Variants in TMED3 observed in about 807,000 individuals in gnomAD.
The protein encoded by TMED3 is transmembrane emp24 domain-containing protein 3.
In TMED3, 9 loss-of-function variants were observed where a neutral mutation model predicts 15.0. The observed-to-expected ratio is 0.60, with a 90% CI of 0.36 to 1.04. The LOEUF (loss-of-function observed/expected upper bound fraction) is 1.04. Ranked by LOEUF, TMED3 falls within the 50% of genes least tolerant of loss-of-function variation. The pLI is 0.01. For missense variants in TMED3, 267 were observed against 278.9 expected (o/e 0.96, Z 0.30); for synonymous variants, 117 against 121.4 (o/e 0.96, Z 0.24).
At chr15:79,394,683 G>A (rs766544589) in intron 2 of TMED3, among the ~76,000 whole-genome samples, 8 of 152,184 alleles carry the variant, frequency 5.3e-5, no homozygotes, top group South Asian at 2.1e-4. Context: ...CTCCTGCTAC[G>A]TTTATTTTTG....
At chr15:79,400,796 G>A (rs12899123) in intron 2 of TMED3, among the ~76,000 whole-genome samples, 70,715 of 152,044 alleles carry the variant, frequency 0.47, 16,958 homozygotes, top group Middle Eastern at 0.61. Context: ...TTAATGTCAA[G>A]GGACCTTTCC....
chr15:79,322,586 A>G lies in TMED3; in HGVS notation c.*372A>G. On this transcript the variant is annotated 3_prime_UTR_variant, in exon 3 of 3. Coordinates refer to ENST00000299705, the MANE Select transcript of TMED3 (RefSeq NM_007364.4). ...GCCTCTGTTTCATGATGCATGGGTC[A>G]TTTGTCTTGGGTGTCCTATCCCATA... The G allele has an allele frequency of 1.9e-6, 2 of 1,042,174 alleles. No individual in the cohort carries two copies. The highest frequency in any genetic ancestry group is 1.2e-6 in the Non-Finnish European group (1 of 867,230). 64.6% of individuals were successfully genotyped at this position (1,042,174 alleles called of 1,614,324 possible).
chr15:79,406,788 C>T (rs1893908708), intron 2 of TMED3, among the ~76,000 whole-genome samples: 1 of 152,204 alleles, frequency 6.6e-6, no homozygotes, highest in South Asian at 2.1e-4. Context: ...AATACTATGG[C>T]CTAATGGGCA....
intron 2 of TMED3, among the ~76,000 whole-genome samples, chr15:79,367,750 A>G (rs112942425): frequency 0.022 from 3,390 of 152,340 alleles, 103 homozygotes; most frequent in East Asian, 0.11. Context: ...TAGAAGTTAC[A>G]TGTAAAGTAA....
chr15:79,375,291 CT>C (rs1304150913), intron 2 of TMED3, among the ~76,000 whole-genome samples: 1 of 152,084 alleles, frequency 6.6e-6, no homozygotes, highest in African/African-American at 2.4e-5. Flanking sequence ...GCTTGGTCTC[CT>C]TCTGTCTGGA....
intron 2 of TMED3, among the ~76,000 whole-genome samples, chr15:79,356,960 C>A (rs1302036125): frequency 6.6e-6 from 1 of 152,082 alleles, no homozygotes; most frequent in East Asian, 1.9e-4. Flanking sequence ...TGTGCTTGAT[C>A]TATTCCGGGA....
chr15:79,356,430 G>A (rs892653091), intron 2 of TMED3, among the ~76,000 whole-genome samples: 6 of 152,198 alleles, frequency 3.9e-5, no homozygotes, highest in African/African-American at 1.4e-4. Context: ...ATTTAAGAAT[G>A]TTCCTTTGGC....
intron 2 of TMED3, among the ~76,000 whole-genome samples, chr15:79,348,515 A>G (rs116353106): frequency 3.4e-4 from 52 of 152,374 alleles, no homozygotes; most frequent in African/African-American, 1.2e-3. Flanking sequence ...GTATATTTCA[A>G]CAATGAAATT....
At chr15:79,395,409 G>A (rs906011315) in intron 2 of TMED3, among the ~76,000 whole-genome samples, 3 of 152,166 alleles carry the variant, frequency 2.0e-5, no homozygotes, top group Admixed American at 1.3e-4. Context: ...TCAAACTCCT[G>A]ACCTCAGGTG....
chr15:79,343,667 G>A (rs950970438), intron 2 of TMED3, among the ~76,000 whole-genome samples: 1 of 152,140 alleles, frequency 6.6e-6, no homozygotes, highest in African/African-American at 2.4e-5. Flanking sequence ...AGGAGCTACT[G>A]CCATAGTCCA....
In TMED3 at chr15:79,412,270, G is replaced by A. The variant is rs560797049; in HGVS notation, c.*766G>A. 5.9e-5 allele frequency: 9 copies of A among 152,202 alleles called. No individual in the cohort carries two copies. The East Asian group carries it at 1.8e-3, about 30-fold the overall frequency. 9.4% of individuals were successfully genotyped at this position (152,202 alleles called of 1,614,324 possible). ...AGGCAGATCTTGCCTTCTCTGCCCT[G>A]CCAGTGTGCATGTGTGCATGTGCCC... On this transcript the variant is annotated 3_prime_UTR_variant, in exon 3 of 3. Transcript: ENST00000424155.
At chr15:79,350,955 A>G (rs1285175859) in intron 2 of TMED3, among the ~76,000 whole-genome samples, 1 of 152,182 alleles carries the variant, frequency 6.6e-6, no homozygotes. Flanking sequence ...CACCTGGTCA[A>G]ATTAGAAGAG....
chr15:79,336,582 C>A (rs2141226205), intron 2 of TMED3, among the ~76,000 whole-genome samples: 1 of 152,206 alleles, frequency 6.6e-6, no homozygotes, highest in African/African-American at 2.4e-5. Flanking sequence ...GACTTGAACC[C>A]AGGAGATGGA....
At chr15:79,346,478 C>T (rs1485784399) in intron 2 of TMED3, among the ~76,000 whole-genome samples, 1 of 152,130 alleles carries the variant, frequency 6.6e-6, no homozygotes. Flanking sequence ...TCTTACCTGC[C>T]ACCATATATA....
chr15:79,335,856 G>T (rs2058825118), intron 2 of TMED3, among the ~76,000 whole-genome samples: 2 of 152,168 alleles, frequency 1.3e-5, no homozygotes. Flanking sequence ...AAATTACATT[G>T]AGTTCTTGCT....
chr15:79,393,131 C>T (rs1567039220), intron 2 of TMED3, among the ~76,000 whole-genome samples: 1 of 152,126 alleles, frequency 6.6e-6, no homozygotes, highest in Non-Finnish European at 1.5e-5. Context: ...TAAAGAGAAG[C>T]TATTTGGATT....
chr15:79,313,894 C>T lies in TMED3; in HGVS notation c.306C>T (p.Phe102=), dbSNP rs1356373806. The change falls in exon 2 of 3, where the codon TTC becomes TTT. Residue 102 remains phenylalanine, a synonymous_variant. Coordinates refer to ENST00000299705, the MANE Select transcript of TMED3 (RefSeq NM_007364.4). ...TCAAGGGCGTTTATCAGTTTTGCTT[C>T]AGTAATGAGTTTTCCACCTTCTCTC... is the stretch of plus-strand genomic sequence containing the variant. ...AEVKGVYQFC[F]SNEFSTFSHK... 1.2e-6 allele frequency: 2 copies of T among 1,614,188 alleles called. No individual in the cohort carries two copies. Among genetic ancestry groups the T allele is most frequent in the East Asian group, 2.2e-5 (1 of 44,888 alleles).
chr15:79,372,668 C>CT (rs1427411686), intron 2 of TMED3, among the ~76,000 whole-genome samples: 6 of 152,182 alleles, frequency 3.9e-5, no homozygotes, highest in Non-Finnish European at 5.9e-5. Flanking sequence ...CATGGGAAAA[C>CT]TAGCCCCCAT....
At chr15:79,379,757 A>C (rs1349095737) in intron 2 of TMED3, among the ~76,000 whole-genome samples, 1 of 152,244 alleles carries the variant, frequency 6.6e-6, no homozygotes, top group African/African-American at 2.4e-5. Context: ...AACTTTCCTT[A>C]TGTATTTAAT....
Sources: allele counts gnomAD v4.1 joint callset (sites outside exome capture counted in the v4.1 genomes callset), GRCh38; gene constraint gnomAD v4.1.1; transcripts MANE v1.5; gene names NCBI Gene and HGNC (gene_info 2026-07-23, HGNC 2026-07-21).